SANBR: variants seen among roughly 807,000 people sequenced by gnomAD.
SANBR encodes SANT and BTB domain regulator of CSR, also known as SANT and BTB domain regulator of class switch recombination.
SANBR carries 77 observed loss-of-function variants against 101.8 expected under a neutral mutation model. That is an observed-to-expected ratio of 0.76 (90% CI 0.63 to 0.91). The LOEUF (loss-of-function observed/expected upper bound fraction) is 0.91. Ranked by LOEUF, SANBR falls within the 40% of genes least tolerant of loss-of-function variation. The probability of loss-of-function intolerance (pLI) is 0.00; values close to 1 mark genes in which losing one functional copy is unlikely to be tolerated. For missense variants in SANBR, 875 were observed against 853.0 expected (o/e 1.03, Z -0.32); for synonymous variants, 279 against 274.7 (o/e 1.02, Z -0.15).
chr2:61,099,410 T>C (rs531628671), intron 12 of SANBR, among the ~76,000 whole-genome samples: 2 of 152,276 alleles, frequency 1.3e-5, no homozygotes, highest in East Asian at 3.9e-4. Context: ...TGACAGATTG[T>C]ATTACAGAGG....
intron 12 of SANBR, among the ~76,000 whole-genome samples, chr2:61,101,396 C>G (rs938036995): frequency 1.3e-5 from 2 of 152,144 alleles, no homozygotes; most frequent in Non-Finnish European, 2.9e-5. Flanking sequence ...TATCATATTT[C>G]TACATTGTTT....
rs1211863267 is a variant in SANBR at position 61,134,335 on chromosome 2, A to G, written c.*44+59A>G. The G allele has an allele frequency of 2.7e-6, 4 of 1,484,552 alleles. No individual in the cohort carries two copies. The East Asian group carries it at 7.4e-5, about 28-fold the overall frequency. 92.0% of individuals were successfully genotyped at this position (1,484,552 alleles called of 1,614,324 possible). ...GACCACATGAAAGACTTTTAGAAAT[A>G]ACTGTATTGTGCTTATTCCCATTTT... On this transcript the variant is annotated intron_variant, in intron 21 of 21. Coordinates refer to the SANBR transcript ENST00000295031.
chr2:61,088,395 GA>G lies in SANBR; in HGVS notation c.1018del (p.Arg340GlufsTer23), dbSNP rs1311533921. The G allele has an allele frequency of 6.2e-7, 1 of 1,602,836 alleles. No individual in the cohort carries two copies. The highest frequency in any genetic ancestry group is 8.5e-7 in the Non-Finnish European group (1 of 1,175,752). ...LCKKLLTKET[E>X]RRIPCIPGKI... ...TAAGAAACTTTTAACAAAAGAAACA[GA>G]AAGAAGAATTCCTTGCATTCCTGGA... is the stretch of plus-strand genomic sequence containing the variant. On this transcript the variant is annotated frameshift_variant, in exon 10 of 22. Transcript: ENST00000402291. LOFTEE classifies it high-confidence loss of function.
In SANBR at chr2:61,123,248, TAA is replaced by T; in HGVS notation, c.*1087_*1088del. Reference sequence around the variant, plus strand: ...TTAAGATGCACTGTTTCTATTTTTTTAAGTCTTAATTTGCCTTATAACTGACA... The same window carrying T: ...TTAAGATGCACTGTTTCTATTTTTTTGTCTTAATTTGCCTTATAACTGACA... On this transcript the variant is annotated 3_prime_UTR_variant, in exon 22 of 22. Coordinates refer to ENST00000402291, the MANE Select transcript of SANBR (RefSeq NM_001129993.3). 1.0e-6 allele frequency: 1 copy of T among 976,100 alleles called. No individual in the cohort carries two copies. Among genetic ancestry groups the T allele is most frequent in the Non-Finnish European group, 1.2e-6 (1 of 821,344 alleles). 60.5% of individuals were successfully genotyped at this position (976,100 alleles called of 1,614,324 possible).
At chr2:61,101,976 G>A (rs1247455358) in intron 12 of SANBR, among the ~76,000 whole-genome samples, 1 of 151,426 alleles carries the variant, frequency 6.6e-6, no homozygotes, top group Non-Finnish European at 1.5e-5. Context: ...AGGTTGCAGT[G>A]AGCCAGGATT....
In SANBR at chr2:61,099,498, C is replaced by T. The variant is rs536263757; in HGVS notation, c.1365+1646C>T. On this transcript the variant is annotated intron_variant, in intron 12 of 21. Coordinates refer to ENST00000402291, the MANE Select transcript of SANBR (RefSeq NM_001129993.3). ...GTGCCATTCACTGAAGAGGAAGCAG[C>T]AGACGGAAATCAGGTTTCGAGGGAG... 5.9e-5 allele frequency among the ~76,000 whole-genome samples: 9 copies of T among 152,272 alleles called. No individual in the cohort carries two copies. In the South Asian group the frequency reaches 1.9e-3, roughly 32 times the overall value.
intron 13 of SANBR, 61 bp from the exon 14 acceptor site, chr2:61,106,502 T>A: frequency 8.8e-7 from 1 of 1,134,736 alleles, no homozygotes; most frequent in Non-Finnish European, 1.3e-6. Context: ...TAAAAAGATA[T>A]TCACATTTAA....
intron 14 of SANBR, among the ~76,000 whole-genome samples, chr2:61,107,787 A>G (rs1202496113): frequency 1.3e-5 from 2 of 152,032 alleles, no homozygotes; most frequent in African/African-American, 4.8e-5. Flanking sequence ...TCGGGAGGCT[A>G]AAGCAGGAGA....
Position 61,122,181 on chromosome 2 carries a change from T to G in SANBR, c.*19T>G. 1 of 1,547,890 alleles carries G rather than the reference T, an allele frequency of 6.5e-7. No homozygotes were observed. The highest frequency in any genetic ancestry group is 8.7e-7 in the Non-Finnish European group (1 of 1,144,940). ...TGCATAAAGTACCTTAAAATATAAG[T>G]AAAAAGAGAGAAGGCACTCTTCTGG... On this transcript the variant is annotated 3_prime_UTR_variant, in exon 22 of 22. Coordinates refer to ENST00000402291, the MANE Select transcript of SANBR (RefSeq NM_001129993.3).
chr2:61,102,269 G>A (rs976998192), intron 12 of SANBR, among the ~76,000 whole-genome samples: 77 of 150,052 alleles, frequency 5.1e-4, no homozygotes, highest in African/African-American at 1.9e-3. Flanking sequence ...CCAGCTACTT[G>A]GGAGGCTGAG....
At chr2:61,066,785 A>AC (rs1453275281) in intron 1 of SANBR, among the ~76,000 whole-genome samples, 1 of 152,162 alleles carries the variant, frequency 6.6e-6, no homozygotes, top group Admixed American at 6.5e-5. Context: ...TGTGGAAGTG[A>AC]CTTAGACTAG....
chr2:61,134,277 G>C lies in SANBR; in HGVS notation c.*44+1G>C, dbSNP rs367590453. 7 of 1,551,082 alleles carry C rather than the reference G, an allele frequency of 4.5e-6. No individual in the cohort carries two copies. In the African/African-American group the frequency reaches 9.6e-5, roughly 21 times the overall value. ...GACTTGGAATACTGCTTGACATATC[G>C]TAAGTGCTCAAAAATGTTAGCTATT... On this transcript the variant is annotated splice_donor_variant, in intron 21 of 21. Transcript: ENST00000295031. LOFTEE classifies it low-confidence loss of function (3UTR_SPLICE).
chr2:61,115,629 T>A (rs752254970), intron 16 of SANBR, among the ~76,000 whole-genome samples: 9 of 152,078 alleles, frequency 5.9e-5, no homozygotes, highest in Admixed American at 4.6e-4. Flanking sequence ...TCAATACTTC[T>A]TTCTTACAGC....
rs1192664289 is a variant in SANBR, at chr2:61,109,172, T to C, written c.1645-25T>C. On this transcript the variant is annotated intron_variant, in intron 15 of 21. Coordinates refer to ENST00000402291, the MANE Select transcript of SANBR (RefSeq NM_001129993.3). The stretch of plus-strand genomic sequence containing the variant: ...CAATAAAAAATCATAATATTACATT[T>C]ATAATAGATTTTTTTTTAACTTAGA... 3.4e-6 allele frequency: 4 copies of C among 1,175,050 alleles called. No individual in the cohort carries two copies. In the South Asian group the frequency reaches 7.1e-5, roughly 21 times the overall value. The allele number at this position is 1,175,050 out of a possible 1,614,324, so 72.8% of individuals were successfully genotyped here.
At chr2:61,091,522 A>G (rs1240166962) in intron 10 of SANBR, among the ~76,000 whole-genome samples, 3 of 151,664 alleles carry the variant, frequency 2.0e-5, no homozygotes, top group Non-Finnish European at 2.9e-5. Flanking sequence ...TGAACCCAGC[A>G]GGGCAGAGGT....
chr2:61,102,208 TCTA>T (rs1447358578), intron 12 of SANBR, among the ~76,000 whole-genome samples: 1 of 150,998 alleles, frequency 6.6e-6, no homozygotes, highest in Non-Finnish European at 1.5e-5. Flanking sequence ...AAACCCCAGC[TCTA>T]CTAAGAATAC....
At chr2:61,091,930 C>T (rs1031647160) in intron 10 of SANBR, among the ~76,000 whole-genome samples, 2 of 152,040 alleles carry the variant, frequency 1.3e-5, no homozygotes, top group Non-Finnish European at 2.9e-5. Context: ...CTAAAAGATA[C>T]TTGAAAATAG....
In SANBR at chr2:61,082,526, T is replaced by G. The variant is rs144279289; in HGVS notation, c.730-628T>G. Among the ~76,000 whole-genome samples, 1,506 of 152,184 alleles carry G rather than the reference T, an allele frequency of 9.9e-3. 19 individuals carry two copies. Among genetic ancestry groups the G allele is most frequent in the Middle Eastern group, 0.02 (6 of 294 alleles). Reference sequence around the variant, plus strand: ...GCTTAAAGTTCTAACTAAGTTTAATTATAAGAAGTTACAGACCAGGCGCGG... The same window carrying G: ...GCTTAAAGTTCTAACTAAGTTTAATGATAAGAAGTTACAGACCAGGCGCGG... On this transcript the variant is annotated intron_variant, in intron 7 of 21. Coordinates refer to ENST00000402291, the MANE Select transcript of SANBR (RefSeq NM_001129993.3).
chr2:61,116,743 T>A (rs903368719), intron 17 of SANBR, among the ~76,000 whole-genome samples: 1 of 152,044 alleles, frequency 6.6e-6, no homozygotes, highest in African/African-American at 2.4e-5. Context: ...TATAAGTGGG[T>A]TAATTCTAAA....
Sources: gnomAD v4.1 joint callset for allele counts (sites outside exome capture counted in the v4.1 genomes callset) on GRCh38, gnomAD v4.1.1 for gene constraint, MANE v1.5 for transcripts, NCBI Gene and HGNC (gene_info 2026-07-23, HGNC 2026-07-21) for gene names.